The following YTHDC2 variants were observed in gnomAD, a reference collection of about 807,000 sequenced individuals.
YTHDC2 encodes the protein YTH N6-methyladenosine RNA binding protein C2, also known as 3'-5' RNA helicase YTHDC2.
Under a neutral mutation model 174.9 loss-of-function variants are expected in YTHDC2, and 45 were observed. The observed-to-expected ratio is 0.26, with a 90% CI of 0.20 to 0.33. The LOEUF (loss-of-function observed/expected upper bound fraction) is 0.33, where lower values mean the gene tolerates loss of function less well. Among genes scored for constraint, YTHDC2 ranks in the 10% least tolerant of loss-of-function variants. The pLI, the probability that YTHDC2 is intolerant of heterozygous loss-of-function variation, is 1.00. For missense variants in YTHDC2, 1,650 were observed against 1,723.7 expected, an observed-to-expected ratio of 0.96 and a Z score of 0.76; for synonymous variants, 657 against 574.5, an observed-to-expected ratio of 1.14 and a Z score of -2.05.
chr5:113,584,773 C>CTTTTTTTTTTTTTTTTTT (rs34217644), intron 26 of YTHDC2, among the ~76,000 whole-genome samples: 1 of 95,734 alleles, frequency 1.0e-5, no homozygotes, highest in Non-Finnish European at 2.0e-5. Context: ...CTTTCGAATC[C>CTTTTTTTTTTTTTTTTTT]TTTTTTTTTT....
chr5:113,565,906 C>G lies in YTHDC2; in HGVS notation c.2729C>G (p.Ala910Gly). The G allele has an allele frequency of 6.2e-7, 1 of 1,611,970 alleles. No individual in the cohort carries two copies. Among genetic ancestry groups the G allele is most frequent in the Non-Finnish European group, 8.5e-7 (1 of 1,179,106 alleles). ...CTCTTTTTATAGGCCTGGCAAAAAGCACGAAGTGATGGGTGGGAGCGAGCC... is the reference window on the plus strand; with the variant it reads ...CTCTTTTTATAGGCCTGGCAAAAAGGACGAAGTGATGGGTGGGAGCGAGCC... ...LLRAFQAWQK[A>G]RSDGWERAFC... Residue 910 changes from alanine to glycine, a missense_variant, in exon 21 of 30, where the codon GCA (alanine) becomes GGA (glycine). By Grantham distance (60) the Ala-to-Gly change is moderately conservative. Around this residue, in one of 5 missense-constraint regions of YTHDC2, gnomAD observed 913 missense variants for 940.4 expected, o/e 0.97. Transcript: ENST00000161863.
intron 4 of YTHDC2, among the ~76,000 whole-genome samples, chr5:113,531,586 CACTT>C (rs995213502): frequency 2.6e-5 from 4 of 151,948 alleles, no homozygotes; most frequent in Non-Finnish European, 1.5e-5. Context: ...TTCAGCCAAA[CACTT>C]TATGCAACCC....
At position 113,581,704 on chromosome 5, in the gene YTHDC2, A is replaced by G; in HGVS notation, c.3642A>G (p.Ala1214=). The change falls in exon 25 of 30, where the codon GCA becomes GCG. Residue 1214 remains alanine, a synonymous_variant. Coordinates refer to ENST00000161863, the MANE Select transcript of YTHDC2 (RefSeq NM_022828.5). ...DTEFSDECTT[A]ERVLMKSPSP... ...AATTTTCTGATGAGTGTACTACTGC[A>G]GAAAGGTAAATTTATGACATTTTAC... is the stretch of plus-strand genomic sequence containing the variant. 1.3e-6 allele frequency: 2 copies of G among 1,524,268 alleles called. No individual in the cohort carries two copies. Among genetic ancestry groups the G allele is most frequent in the Non-Finnish European group, 1.8e-6 (2 of 1,136,396 alleles). The allele number at this position is 1,524,268 out of a possible 1,614,324, so 94.4% of individuals were successfully genotyped here.
chr5:113,531,898 G>A (rs1774695364), intron 4 of YTHDC2, among the ~76,000 whole-genome samples: 1 of 151,956 alleles, frequency 6.6e-6, no homozygotes, highest in Admixed American at 6.6e-5. Context: ...AATTGTTTTG[G>A]GGAGCAATTT....
Position 113,561,144 on chromosome 5 carries a change from T to A in YTHDC2, c.2281T>A (p.Leu761Met), listed in dbSNP as rs765347103. 5.6e-6 allele frequency: 9 copies of A among 1,613,138 alleles called. No individual in the cohort carries two copies. The highest frequency in any genetic ancestry group is 1.7e-5 in the Admixed American group (1 of 59,990). The change falls in exon 18 of 30, where the codon TTG becomes ATG. Residue 761 changes from leucine (L) to methionine (M), a missense_variant. Around this residue, in one of 5 missense-constraint regions of YTHDC2, gnomAD observed 913 missense variants for 940.4 expected, o/e 0.97. Coordinates refer to ENST00000161863, the MANE Select transcript of YTHDC2 (RefSeq NM_022828.5). The part of the protein sequence containing the change: ...LFSRLRFQNM[L>M]EFQTPELLRM... The stretch of plus-strand genomic sequence containing the variant: ...CAGTAGACTCCGATTCCAGAATATG[T>A]TGGAATTTCAGACTCCGGAACTTTT...
chr5:113,563,572 T>G (rs946426010), intron 19 of YTHDC2, 80 bp downstream of exon 19: 2 of 1,430,302 alleles, frequency 1.4e-6, no homozygotes, highest in Admixed American at 2.3e-5. Context: ...CTTAACTAAT[T>G]TTGTATAATT....
At chr5:113,564,414 C>G (rs1207635679) in intron 20 of YTHDC2, among the ~76,000 whole-genome samples, 1 of 151,978 alleles carries the variant, frequency 6.6e-6, no homozygotes, top group African/African-American at 2.4e-5. Flanking sequence ...TTCTTTAAAT[C>G]ATGTCTTGGG....
intron 17 of YTHDC2, among the ~76,000 whole-genome samples, chr5:113,559,747 T>C (rs1322910388): frequency 1.3e-5 from 2 of 152,162 alleles, no homozygotes; most frequent in African/African-American, 4.8e-5. Flanking sequence ...TCAATGGAAA[T>C]TTTAAACAAT....
intron 18 of YTHDC2, among the ~76,000 whole-genome samples, chr5:113,561,953 T>TGTGG (rs879387972): frequency 3.8e-5 from 5 of 132,732 alleles, no homozygotes; most frequent in African/African-American, 1.2e-4. Context: ...CTCTATTAAT[T>TGTGG]GTGGGTGTGT....
intron 16 of YTHDC2, 79 bp downstream of exon 16, chr5:113,554,101 T>G: frequency 8.0e-7 from 1 of 1,256,480 alleles, no homozygotes; most frequent in Non-Finnish European, 1.1e-6. Flanking sequence ...ATTTATTATT[T>G]AGTTGTTTTT....
At chr5:113,523,546 A>G (rs1774015902) in intron 2 of YTHDC2, among the ~76,000 whole-genome samples, 1 of 152,150 alleles carries the variant, frequency 6.6e-6, no homozygotes, top group South Asian at 2.1e-4. Context: ...TGAATTTATC[A>G]TGGAAATAAG....
intron 12 of YTHDC2, among the ~76,000 whole-genome samples, chr5:113,551,781 A>T (rs1201150577): frequency 1.3e-5 from 2 of 152,186 alleles, no homozygotes; most frequent in Non-Finnish European, 2.9e-5. Context: ...GCCAATTATT[A>T]AGTTGTAGAA....
intron 4 of YTHDC2, among the ~76,000 whole-genome samples, chr5:113,531,761 T>TA (rs1430358929): frequency 1.3e-5 from 2 of 152,122 alleles, no homozygotes; most frequent in East Asian, 1.9e-4. Context: ...ACTCACAGTT[T>TA]AAAAAATGAA....
chr5:113,538,672 T>G (rs576982943), intron 7 of YTHDC2, among the ~76,000 whole-genome samples: 3 of 152,210 alleles, frequency 2.0e-5, no homozygotes, highest in African/African-American at 7.2e-5. Context: ...ACTGTCATGG[T>G]GTCTTGTACT....
intron 10 of YTHDC2, among the ~76,000 whole-genome samples, chr5:113,544,108 C>T (rs751351354): frequency 6.6e-6 from 1 of 152,068 alleles, no homozygotes; most frequent in Non-Finnish European, 1.5e-5. Context: ...AGAGATTCAT[C>T]GTTTATTAAG....
intron 2 of YTHDC2, among the ~76,000 whole-genome samples, chr5:113,519,917 A>G (rs1347137332): frequency 6.6e-6 from 1 of 152,140 alleles, no homozygotes; most frequent in Non-Finnish European, 1.5e-5. Context: ...AAGTTCTGGG[A>G]TACATGTGCT....
rs1779142721 is a variant in YTHDC2 at position 113,594,074 on chromosome 5, C to T, written c.*600C>T. Reference sequence around the variant, plus strand: ...AAGAATAAAGTTGGATGTTCTTTTTCTGTGATTATGAAATGCAATAAAATC... The same window carrying T: ...AAGAATAAAGTTGGATGTTCTTTTTTTGTGATTATGAAATGCAATAAAATC... On this transcript the variant is annotated 3_prime_UTR_variant, in exon 30 of 30. Coordinates refer to ENST00000161863, the MANE Select transcript of YTHDC2 (RefSeq NM_022828.5). The T allele has an allele frequency of 6.6e-6, 1 of 152,104 alleles. No individual in the cohort carries two copies. Among genetic ancestry groups the T allele is most frequent in the Non-Finnish European group, 1.5e-5 (1 of 68,002 alleles). The allele number at this position is 152,104 out of a possible 1,614,324, so 9.4% of individuals were successfully genotyped here. A position where few individuals can be genotyped will look rare whatever the true frequency, so the allele number is the denominator to read the frequency against.
chr5:113,544,976 T>C (rs1322972832), intron 10 of YTHDC2, among the ~76,000 whole-genome samples: 2 of 152,196 alleles, frequency 1.3e-5, no homozygotes, highest in Non-Finnish European at 2.9e-5. Flanking sequence ...TTTTATTGAA[T>C]TAAATTATTT....
chr5:113,584,761 T>G (rs2112803502), intron 26 of YTHDC2, among the ~76,000 whole-genome samples: 1 of 150,644 alleles, frequency 6.6e-6, no homozygotes, highest in South Asian at 2.1e-4. Flanking sequence ...TCTTTCCTAT[T>G]TCTTTCGAAT....
Sources: gnomAD v4.1 joint callset for allele counts (sites outside exome capture counted in the v4.1 genomes callset) on GRCh38, gnomAD v4.1.1 for gene constraint, gnomAD v4.1.1 regional missense constraint, MANE v1.5 for transcripts, NCBI Gene and HGNC (gene_info 2026-07-23, HGNC 2026-07-21) for gene names.